Variants in DNMT3B observed in about 807,000 individuals in gnomAD.
The protein encoded by DNMT3B is DNA methyltransferase 3 beta.
In DNMT3B, 37 loss-of-function variants were observed where a neutral mutation model predicts 120.2. That is an observed-to-expected ratio of 0.31 (90% CI 0.24 to 0.40). The LOEUF is 0.40. Among genes scored for constraint, DNMT3B ranks in the 10% least tolerant of loss-of-function variants. The pLI is 1.00. For missense variants in DNMT3B, 878 were observed against 1,137.3 expected (o/e 0.77, Z 3.28); for synonymous variants, 412 against 442.8 (o/e 0.93, Z 0.87).
At chr20:32,800,097 T>G in intron 16 of DNMT3B, 56 bp from the exon 17 acceptor site, 30 of 1,609,236 alleles carry the variant, frequency 1.9e-5, no homozygotes, top group Non-Finnish European at 2.5e-5. Flanking sequence ...GTGGAGGAAA[T>G]GAGCTGCTGT....
At chr20:32,790,990 G>A (rs574577960) in intron 7 of DNMT3B, among the ~76,000 whole-genome samples, 2 of 152,198 alleles carry the variant, frequency 1.3e-5, no homozygotes, top group Middle Eastern at 3.2e-3. Context: ...TCCCTGAATG[G>A]CCATTTTCTC....
At chr20:32,775,846 G>A (rs1988041002) in intron 1 of DNMT3B, among the ~76,000 whole-genome samples, 1 of 152,270 alleles carries the variant, frequency 6.6e-6, no homozygotes, top group African/African-American at 2.4e-5. Context: ...CTGGGCATGA[G>A]ATTTGGCACT....
intron 3 of DNMT3B, among the ~76,000 whole-genome samples, chr20:32,783,692 G>A (rs1978899281): frequency 6.6e-6 from 1 of 151,984 alleles, no homozygotes; most frequent in African/African-American, 2.4e-5. Context: ...ACCAGAAACA[G>A]TAATGAAATC....
Position 32,797,665 on chromosome 20 carries a change from C to CTT in DNMT3B, c.1490+377_1490+378dup, listed in dbSNP as rs34902104. On this transcript the variant is annotated intron_variant, in intron 14 of 22. Transcript: ENST00000328111. ...ATGCCATCACACCCAGCTAGTTATT[C>CTT]TTTTTTTTTTTTGAGGTGGAGTCTT... Among the ~76,000 whole-genome samples the CTT allele has an allele frequency of 9.9e-4, 146 of 146,890 alleles. 1 individual carries two copies. The highest frequency in any genetic ancestry group is 7.2e-3 in the Middle Eastern group (2 of 278).
At position 32,780,380 on chromosome 20, in the gene DNMT3B, C is replaced by T. The variant is rs774816105; in HGVS notation, c.57C>T (p.Asp19=). Residue 19 remains aspartate (D), a synonymous_variant, in exon 2 of 23, where the codon GAC becomes GAT. Transcript: ENST00000328111. The part of the protein sequence containing the change: ...NGEEDAGGRE[D]SILVNGACSD... Reference sequence around the variant, plus strand: ...AGGAGGACGCCGGCGGGAGGGAAGACTCGATCCTCGTCAACGGGGCCTGCA... The same window carrying T: ...AGGAGGACGCCGGCGGGAGGGAAGATTCGATCCTCGTCAACGGGGCCTGCA... 7.7e-5 allele frequency: 125 copies of T among 1,613,806 alleles called. No individual in the cohort carries two copies. The highest frequency in any genetic ancestry group is 2.2e-4 in the South Asian group (20 of 91,056).
intron 21 of DNMT3B, 104 bp downstream of exon 21, chr20:32,805,511 G>A (rs371593091): frequency 2.6e-5 from 35 of 1,340,122 alleles, no homozygotes; most frequent in Middle Eastern, 5.0e-4. Context: ...CTCCCCCCAC[G>A]TGACTTCCTG....
intron 7 of DNMT3B, 137 bp from the exon 8 acceptor site, chr20:32,791,464 C>A: frequency 1.2e-6 from 1 of 828,460 alleles, no homozygotes; most frequent in Non-Finnish European, 2.0e-6. Context: ...AAATAGATGT[C>A]TGTGGACTTT....
Position 32,781,333 on chromosome 20 carries a change from C to G in DNMT3B, c.143-20C>G. On this transcript the variant is annotated intron_variant, in intron 2 of 22. Transcript: ENST00000328111. ...GGTGCCTGCCCCCACAAAACAGACT[C>G]CTGGCTGTTTCCTCTACAGGCCGAA... is the stretch of plus-strand genomic sequence containing the variant. 2 of 1,613,924 alleles carry G rather than the reference C, an allele frequency of 1.2e-6. No homozygotes were observed. The highest frequency in any genetic ancestry group is 1.7e-6 in the Non-Finnish European group (2 of 1,179,934).
chr20:32,772,569 C>T (rs1987803790), intron 1 of DNMT3B, among the ~76,000 whole-genome samples: 1 of 151,128 alleles, frequency 6.6e-6, no homozygotes. Flanking sequence ...AATGCTGCCC[C>T]TCATTCTCTG....
intron 1 of DNMT3B, among the ~76,000 whole-genome samples, chr20:32,768,751 G>A (rs1490384966): frequency 2.6e-5 from 4 of 152,272 alleles, no homozygotes; most frequent in Admixed American, 6.5e-5. Context: ...ACAGGCCCCC[G>A]CTCTTTTGTG....
chr20:32,803,663 G>A (rs533729080), intron 20 of DNMT3B, among the ~76,000 whole-genome samples: 1 of 152,286 alleles, frequency 6.6e-6, no homozygotes, highest in South Asian at 2.1e-4. Context: ...GATGGGGAAG[G>A]CTTCTCATTC....
In DNMT3B at chr20:32,808,320, G is replaced by C. The variant is rs1408372779; in HGVS notation, c.*417G>C. 1 of 312,592 alleles carries C rather than the reference G, an allele frequency of 3.2e-6. No individual in the cohort carries two copies. Among genetic ancestry groups the C allele is most frequent in the Non-Finnish European group, 6.0e-6 (1 of 165,802 alleles). The allele number at this position is 312,592 out of a possible 1,614,324, so 19.4% of individuals were successfully genotyped here. A position where few individuals can be genotyped will look rare whatever the true frequency, so the allele number is the denominator to read the frequency against. On this transcript the variant is annotated 3_prime_UTR_variant, in exon 23 of 23. Coordinates refer to ENST00000328111, the MANE Select transcript of DNMT3B (RefSeq NM_006892.4). ...ATCATCCAAGACAGTTATTGCAAGA[G>C]TTTAATTTTTGAAAACTGGCTACTG...
At chr20:32,766,237 G>C (rs1248415352) in intron 1 of DNMT3B, among the ~76,000 whole-genome samples, 2 of 152,138 alleles carry the variant, frequency 1.3e-5, no homozygotes, top group African/African-American at 4.8e-5. Context: ...CGTGCTACTG[G>C]GAGGCTGAGG....
chr20:32,784,664 C>T, intron 3 of DNMT3B, 94 bp from the exon 4 acceptor site: 1 of 1,383,518 alleles, frequency 7.2e-7, no homozygotes, highest in Non-Finnish European at 1.0e-6. Flanking sequence ...CTGCCAGGCA[C>T]AGGCGATCAG....
intron 1 of DNMT3B, among the ~76,000 whole-genome samples, chr20:32,767,854 G>C (rs1987478533): frequency 3.3e-5 from 5 of 152,210 alleles, no homozygotes; most frequent in Admixed American, 3.3e-4. Context: ...TTGGAAGAAG[G>C]CCTCTCTCTT....
Position 32,786,487 on chromosome 20 carries a change from C to T in DNMT3B, c.307-15C>T, listed in dbSNP as rs150718732. ...AGTCACCTAAGGCCCAGTGAGTGTCCTCTCTTGCTTCTAGGTCCGAACTCG... is the reference window on the plus strand; with the variant it reads ...AGTCACCTAAGGCCCAGTGAGTGTCTTCTCTTGCTTCTAGGTCCGAACTCG... On this transcript the variant is annotated splice_polypyrimidine_tract_variant and intron_variant, in intron 4 of 22. Transcript: ENST00000328111. 1 of 1,613,896 alleles carries T rather than the reference C, an allele frequency of 6.2e-7. No homozygotes were observed. Among genetic ancestry groups the T allele is most frequent in the Non-Finnish European group, 8.5e-7 (1 of 1,180,026 alleles).
chr20:32,776,263 A>G (rs1988068721), intron 1 of DNMT3B, among the ~76,000 whole-genome samples: 1 of 151,754 alleles, frequency 6.6e-6, no homozygotes, highest in Non-Finnish European at 1.5e-5. Flanking sequence ...GGTGGTAGAC[A>G]GTGTTCAGCC....
At chr20:32,789,095 G>A (rs1979667081) in intron 7 of DNMT3B, 83 bp downstream of exon 7, 2 of 1,580,602 alleles carry the variant, frequency 1.3e-6, no homozygotes, top group Non-Finnish European at 1.7e-6. Flanking sequence ...GCCTGGGATT[G>A]TATTCTGCAG....
At chr20:32,765,743 A>ATTTTTCTTTTTTTTT (rs1987306978) in intron 1 of DNMT3B, among the ~76,000 whole-genome samples, 1 of 89,646 alleles carries the variant, frequency 1.1e-5, no homozygotes, top group African/African-American at 5.0e-5. Flanking sequence ...TTATTTATTT[A>ATTTTTCTTTTTTTTT]TTTTTTCTTT....
Sources: allele counts gnomAD v4.1 joint callset (sites outside exome capture counted in the v4.1 genomes callset), GRCh38; gene constraint gnomAD v4.1.1; transcripts MANE v1.5; gene names NCBI Gene and HGNC (gene_info 2026-07-23, HGNC 2026-07-21).